Variants in TOM1L1 observed in about 807,000 individuals in gnomAD.
TOM1L1 encodes TOM1-like protein 1.
Under a neutral mutation model 63.4 loss-of-function variants are expected in TOM1L1, and 64 were observed. The ratio of observed to expected loss-of-function variants is 1.01; its 90% CI spans 0.83 to 1.24. The LOEUF is 1.24. Among genes scored for constraint, TOM1L1 ranks in the 50% most tolerant of loss-of-function variants. TOM1L1 has a pLI of 0.00. For missense variants in TOM1L1, 536 were observed against 567.0 expected (o/e 0.95, Z 0.55); for synonymous variants, 166 against 194.4 (o/e 0.85, Z 1.22).
intron 12 of TOM1L1, among the ~76,000 whole-genome samples, chr17:54,948,473 C>T (rs1471412244): frequency 2.0e-5 from 3 of 152,294 alleles, no homozygotes; most frequent in African/African-American, 7.2e-5. Flanking sequence ...TCCCCCACTT[C>T]AGAGACTGTG....
chr17:54,913,680 AAAAAAG>A (rs2143774926), intron 4 of TOM1L1, 62 bp from the exon 5 acceptor site: 4 of 1,405,962 alleles, frequency 2.8e-6, no homozygotes, highest in South Asian at 1.3e-5. Flanking sequence ...AAAAAAAAAA[AAAAAAG>A]AATTGTGTTT....
chr17:54,942,976 T>G (rs534108812), intron 11 of TOM1L1, among the ~76,000 whole-genome samples: 1 of 152,206 alleles, frequency 6.6e-6, no homozygotes, highest in Non-Finnish European at 1.5e-5. Flanking sequence ...GGTATTTGCT[T>G]TATGTGTTTT....
chr17:54,910,642 T>TAATA (rs1317368571), intron 3 of TOM1L1, among the ~76,000 whole-genome samples: 2 of 152,230 alleles, frequency 1.3e-5, no homozygotes, highest in Non-Finnish European at 2.9e-5. Context: ...AAATTCATTA[T>TAATA]AATAATCCAT....
intron 8 of TOM1L1, among the ~76,000 whole-genome samples, chr17:54,934,001 G>A (rs527965451): frequency 5.9e-5 from 9 of 152,272 alleles, no homozygotes; most frequent in African/African-American, 1.7e-4. Flanking sequence ...AGCCTTTCAC[G>A]GAATACACAA....
At chr17:54,949,973 TA>T (rs2049186536) in intron 13 of TOM1L1, 71 bp from the exon 14 acceptor site, 2 of 1,224,180 alleles carry the variant, frequency 1.6e-6, no homozygotes, top group African/African-American at 1.5e-5. Context: ...GTCTAAATTA[TA>T]AAAAGAATAT....
At chr17:54,949,939 G>A in intron 13 of TOM1L1, 106 bp from the exon 14 acceptor site, 5 of 906,068 alleles carry the variant, frequency 5.5e-6, no homozygotes, top group South Asian at 1.7e-5. Context: ...TTTTGGTTGT[G>A]TTTATTAGGA....
chr17:54,903,333 T>C (rs550649361), intron 1 of TOM1L1, among the ~76,000 whole-genome samples: 2 of 152,368 alleles, frequency 1.3e-5, no homozygotes, highest in South Asian at 4.1e-4. Flanking sequence ...TCACAGTGGG[T>C]TAAATGAAAT....
At chr17:54,949,958 T>A in intron 13 of TOM1L1, 87 bp from the exon 14 acceptor site, 1 of 1,061,698 alleles carries the variant, frequency 9.4e-7, no homozygotes, top group South Asian at 1.5e-5. Flanking sequence ...GATCTAATAT[T>A]TGAAGTCTAA....
intron 14 of TOM1L1, among the ~76,000 whole-genome samples, chr17:54,959,653 T>C (rs2077061367): frequency 6.6e-6 from 1 of 151,188 alleles, no homozygotes; most frequent in Admixed American, 6.6e-5. Flanking sequence ...AGTCTTGCTC[T>C]GTAGCCCAGG....
chr17:54,903,601 A>G (rs570619029), intron 1 of TOM1L1, 107 bp from the exon 2 acceptor site: 4 of 995,504 alleles, frequency 4.0e-6, no homozygotes, highest in South Asian at 2.8e-5. Context: ...CCCTTTGGCA[A>G]TGTAAACTTA....
intron 11 of TOM1L1, 120 bp from the exon 12 acceptor site, chr17:54,947,141 C>A: frequency 1.1e-6 from 1 of 875,242 alleles, no homozygotes. Context: ...TACAAAATGA[C>A]ACTTTATGCA....
intron 8 of TOM1L1, 67 bp downstream of exon 8, chr17:54,930,273 T>C (rs1211529086): frequency 3.1e-6 from 5 of 1,599,808 alleles, no homozygotes; most frequent in Non-Finnish European, 4.3e-6. Context: ...TACTCAGCAT[T>C]CTTATCAGAG....
chr17:54,960,471 C>A, intron 14 of TOM1L1, 95 bp from the exon 15 acceptor site: 2 of 878,200 alleles, frequency 2.3e-6, no homozygotes, highest in South Asian at 1.4e-5. Context: ...ACTCCAAAAC[C>A]AGCTCAATTT....
chr17:54,957,683 A>G (rs1445748630), intron 14 of TOM1L1: 1 of 152,060 alleles, frequency 6.6e-6, no homozygotes, highest in East Asian at 1.9e-4. Flanking sequence ...GCAGGAAATT[A>G]CTGGGTTTTT....
intron 15 of TOM1L1, among the ~76,000 whole-genome samples, chr17:54,960,846 T>A (rs1402396715): frequency 6.6e-6 from 1 of 152,198 alleles, no homozygotes; most frequent in Admixed American, 6.5e-5. Context: ...GGCTTGGGAA[T>A]ACAGTAGTTT....
chr17:54,931,455 G>A (rs1290524415), intron 8 of TOM1L1, among the ~76,000 whole-genome samples: 1 of 152,010 alleles, frequency 6.6e-6, no homozygotes, highest in African/African-American at 2.4e-5. Flanking sequence ...TATTGACTAG[G>A]TTTTTCTTCC....
chr17:54,941,750 G>T (rs2049034908), intron 11 of TOM1L1, among the ~76,000 whole-genome samples: 1 of 152,204 alleles, frequency 6.6e-6, no homozygotes, highest in South Asian at 2.1e-4. Context: ...TTGGGTGACT[G>T]TCAAAAAGTC....
At chr17:54,932,900 C>T (rs192255381) in intron 8 of TOM1L1, among the ~76,000 whole-genome samples, 12 of 152,306 alleles carry the variant, frequency 7.9e-5, no homozygotes, top group Non-Finnish European at 1.8e-4. Flanking sequence ...TGCCTAAAGG[C>T]TTCCTTCAAG....
chr17:54,935,102 A>G (rs2048924865), intron 8 of TOM1L1, among the ~76,000 whole-genome samples: 1 of 152,196 alleles, frequency 6.6e-6, no homozygotes, highest in African/African-American at 2.4e-5. Context: ...GAGACCACCA[A>G]AGAGGCTTTG....
Sources: gnomAD v4.1 joint callset for allele counts (sites outside exome capture counted in the v4.1 genomes callset) on GRCh38, gnomAD v4.1.1 for gene constraint, MANE v1.5 for transcripts, NCBI Gene and HGNC (gene_info 2026-07-23, HGNC 2026-07-21) for gene names.